The following PLXNA4 variants were observed in gnomAD, a reference collection of about 807,000 sequenced individuals.
PLXNA4 encodes the protein plexin-A4.
A neutral mutation model predicts 191.8 loss-of-function variants in PLXNA4; 44 were observed. That is an observed-to-expected ratio of 0.23 (90% CI 0.18 to 0.29). The LOEUF (loss-of-function observed/expected upper bound fraction) is 0.29, where lower values mean the gene tolerates loss of function less well. Among genes scored for constraint, PLXNA4 ranks in the 10% least tolerant of loss-of-function variants. PLXNA4 has a pLI of 1.00. For synonymous variants in PLXNA4, 1,082 were observed against 1,009.5 expected (o/e 1.07, Z -1.36); for missense variants, 1,800 against 2,488.8 (o/e 0.72, Z 5.89).
At chr7:132,600,783 G>C (rs1268063119) in intron 2 of PLXNA4, among the ~76,000 whole-genome samples, 1 of 151,864 alleles carries the variant, frequency 6.6e-6, no homozygotes, top group Non-Finnish European at 1.5e-5. Context: ...TTCCTGATTT[G>C]TCTATAGTTC....
At chr7:132,462,521 A>G (rs1585170324) in intron 3 of PLXNA4, among the ~76,000 whole-genome samples, 1 of 151,254 alleles carries the variant, frequency 6.6e-6, no homozygotes, top group African/African-American at 2.5e-5. Context: ...GTACATATAT[A>G]TACTCTCAAC....
chr7:132,572,324 C>A (rs1585371451), intron 1 of PLXNA4, among the ~76,000 whole-genome samples: 1 of 152,206 alleles, frequency 6.6e-6, no homozygotes, highest in African/African-American at 2.4e-5. Context: ...TAAATGGTAT[C>A]TAAACCAAAT....
intron 3 of PLXNA4, among the ~76,000 whole-genome samples, chr7:132,378,351 C>T (rs2116929919): frequency 6.6e-6 from 1 of 152,304 alleles, no homozygotes; most frequent in East Asian, 1.9e-4. Context: ...CTTCTCACCA[C>T]CCCTGGCACA....
At chr7:132,503,519 G>A (rs954545383) in intron 2 of PLXNA4, among the ~76,000 whole-genome samples, 1 of 152,094 alleles carries the variant, frequency 6.6e-6, no homozygotes, top group Non-Finnish European at 1.5e-5. Context: ...CCCAGAGAAG[G>A]ACAGACAGCC....
chr7:132,341,985 C>G (rs561106726), intron 3 of PLXNA4, among the ~76,000 whole-genome samples: 1 of 152,000 alleles, frequency 6.6e-6, no homozygotes, highest in Non-Finnish European at 1.5e-5. Context: ...GGTGACACCA[C>G]TGCCCCATTT....
chr7:132,464,209 C>A (rs977035966), intron 3 of PLXNA4, among the ~76,000 whole-genome samples: 1 of 152,202 alleles, frequency 6.6e-6, no homozygotes, highest in African/African-American at 2.4e-5. Flanking sequence ...CTGGAAGAGT[C>A]CTGCTCTGTC....
intron 3 of PLXNA4, among the ~76,000 whole-genome samples, chr7:132,479,183 C>T (rs1308038770): frequency 2.0e-5 from 3 of 151,750 alleles, no homozygotes; most frequent in East Asian, 1.9e-4. Flanking sequence ...ACAGGTGGAT[C>T]GCTAGAACCC....
intron 27 of PLXNA4, among the ~76,000 whole-genome samples, 196 bp downstream of exon 27, chr7:132,147,704 G>A (rs185127902): frequency 1.3e-5 from 2 of 152,344 alleles, no homozygotes; most frequent in South Asian, 2.1e-4. Context: ...CGTGGATGAA[G>A]GTCTTGCTTA....
intron 30 of PLXNA4, among the ~76,000 whole-genome samples, chr7:132,136,603 G>T (rs1323770439): frequency 2.0e-5 from 3 of 152,138 alleles, no homozygotes; most frequent in Non-Finnish European, 4.4e-5. Flanking sequence ...TCCACTGTTG[G>T]CCAGTCTGCA....
chr7:132,268,055 G>C (rs1799921780), intron 4 of PLXNA4, among the ~76,000 whole-genome samples: 1 of 152,148 alleles, frequency 6.6e-6, no homozygotes, highest in Admixed American at 6.5e-5. Flanking sequence ...GATAAATACT[G>C]GGGCTTTGTC....
rs1794805023 is a variant in PLXNA4, at chr7:132,127,609, A to G, written c.*2870T>C. On this transcript the variant is annotated 3_prime_UTR_variant, in exon 32 of 32. Transcript: ENST00000321063. Reference sequence around the variant, plus strand: ...CAAACAGCAGAAGATAATTTTTATAAGCAAGATGGGCTGTGGCTCTGGATA... The same window carrying G: ...CAAACAGCAGAAGATAATTTTTATAGGCAAGATGGGCTGTGGCTCTGGATA... 6.6e-6 allele frequency: 1 copy of G among 152,224 alleles called. No homozygotes were observed. The highest frequency in any genetic ancestry group is 2.1e-4 in the South Asian group (1 of 4,832). 9.4% of individuals were successfully genotyped at this position (152,224 alleles called of 1,614,324 possible).
At chr7:132,546,554 C>T (rs750532996) in intron 1 of PLXNA4, among the ~76,000 whole-genome samples, 6 of 152,200 alleles carry the variant, frequency 3.9e-5, no homozygotes, top group African/African-American at 1.4e-4. Flanking sequence ...CTCACTGAGA[C>T]TCAGGAACAG....
At chr7:132,517,557 C>T (rs537177943) in intron 1 of PLXNA4, among the ~76,000 whole-genome samples, 31 of 152,314 alleles carry the variant, frequency 2.0e-4, no homozygotes, top group African/African-American at 7.5e-4. Flanking sequence ...CTCACTGCAT[C>T]TCAGAGCTGG....
At chr7:132,440,413 C>T (rs559583200) in intron 3 of PLXNA4, among the ~76,000 whole-genome samples, 1 of 152,334 alleles carries the variant, frequency 6.6e-6, no homozygotes, top group East Asian at 1.9e-4. Context: ...CTGCTGTCTT[C>T]AAACTAACCA....
intron 1 of PLXNA4, among the ~76,000 whole-genome samples, chr7:132,519,934 T>C (rs1271471692): frequency 6.6e-6 from 1 of 152,246 alleles, no homozygotes; most frequent in African/African-American, 2.4e-5. Flanking sequence ...ATCACCCAGT[T>C]TCTTCTTGTG....
intron 4 of PLXNA4, among the ~76,000 whole-genome samples, chr7:132,254,949 G>T (rs182611710): frequency 6.4e-4 from 98 of 152,282 alleles, no homozygotes; most frequent in African/African-American, 2.2e-3. Context: ...TGGAGATGGG[G>T]TAGGAGGAGG....
intron 9 of PLXNA4, among the ~76,000 whole-genome samples, chr7:132,217,407 C>A (rs891775761): frequency 6.6e-6 from 1 of 152,242 alleles, no homozygotes; most frequent in Non-Finnish European, 1.5e-5. Flanking sequence ...GAATTTATAG[C>A]CCCTAGTGTG....
chr7:132,517,934 A>G (rs1799004187), intron 1 of PLXNA4, among the ~76,000 whole-genome samples: 2 of 152,162 alleles, frequency 1.3e-5, no homozygotes, highest in African/African-American at 4.8e-5. Context: ...TTCTACTCCA[A>G]TTTGTAATCC....
intron 2 of PLXNA4, among the ~76,000 whole-genome samples, chr7:132,492,260 G>A (rs1797839031): frequency 6.6e-6 from 1 of 152,106 alleles, no homozygotes; most frequent in African/African-American, 2.4e-5. Context: ...GAGGCTTCAG[G>A]CCTCTCAGCT....
Sources: allele counts gnomAD v4.1 joint callset (sites outside exome capture counted in the v4.1 genomes callset), GRCh38; gene constraint gnomAD v4.1.1; transcripts MANE v1.5; gene names NCBI Gene and HGNC (gene_info 2026-07-23, HGNC 2026-07-21).